The following TBC1D5 variants were observed in gnomAD, a reference collection of about 807,000 sequenced individuals.
TBC1D5 encodes TBC1 domain family member 5, also known as TBC1 domain family, member 5.
Under a neutral mutation model 100.3 loss-of-function variants are expected in TBC1D5, and 75 were observed. The ratio of observed to expected loss-of-function variants is 0.75; its 90% CI spans 0.62 to 0.91. The LOEUF is 0.91. Ranked by LOEUF, TBC1D5 falls within the 40% of genes least tolerant of loss-of-function variation. TBC1D5 has a pLI of 0.00. For missense variants in TBC1D5, 910 were observed against 942.4 expected (o/e 0.97, Z 0.45); for synonymous variants, 323 against 325.6 (o/e 0.99, Z 0.09).
intron 2 of TBC1D5, among the ~76,000 whole-genome samples, chr3:17,536,145 G>A (rs1257572957): frequency 6.6e-6 from 1 of 152,100 alleles, no homozygotes; most frequent in Non-Finnish European, 1.5e-5. Context: ...AAACACTGAA[G>A]TAGTCTTTAC....
intron 14 of TBC1D5, among the ~76,000 whole-genome samples, chr3:17,298,441 T>C (rs961350808): frequency 3.9e-5 from 6 of 152,174 alleles, no homozygotes; most frequent in Non-Finnish European, 8.8e-5. Context: ...TAATGATACA[T>C]ACTAAGGGCT....
At chr3:17,412,689 GA>G (rs1222215160) in intron 4 of TBC1D5, among the ~76,000 whole-genome samples, 29 of 152,078 alleles carry the variant, frequency 1.9e-4, no homozygotes, top group Non-Finnish European at 5.9e-5. Context: ...ACCCACTTAT[GA>G]TATAATATTT....
At chr3:17,185,113 A>C (rs754764435) in exon 19 of TBC1D5, 19 of 1,611,236 alleles carry the variant, frequency 1.2e-5, no homozygotes, top group Non-Finnish European at 1.6e-5. Flanking sequence ...ACTTACCAAG[A>C]TGAGTGTCCA....
chr3:17,631,073 C>G (rs1450970996), intron 1 of TBC1D5, among the ~76,000 whole-genome samples: 3 of 150,048 alleles, frequency 2.0e-5, no homozygotes, highest in Non-Finnish European at 3.0e-5. Context: ...GTTAGGCCTC[C>G]TGAACCAAAA....
chr3:17,591,253 AAAAAAAAAAAAAAC>A (rs1414828176), intron 2 of TBC1D5, among the ~76,000 whole-genome samples: 2,152 of 136,778 alleles, frequency 0.016, 82 homozygotes, highest in African/African-American at 0.054. Flanking sequence ...AAAAAAAAAA[AAAAAAAAAAAAAAC>A]AAAAACCCCA....
At chr3:17,392,055 CT>C (rs1350787361) in intron 8 of TBC1D5, among the ~76,000 whole-genome samples, 2 of 152,058 alleles carry the variant, frequency 1.3e-5, no homozygotes, top group African/African-American at 4.8e-5. Flanking sequence ...TAACACACTG[CT>C]TCTGGGCAAA....
chr3:17,476,732 G>A (rs2095442502), intron 3 of TBC1D5, among the ~76,000 whole-genome samples: 1 of 151,770 alleles, frequency 6.6e-6, no homozygotes, highest in African/African-American at 2.4e-5. Context: ...CCATGATCAT[G>A]GTGTGTCCTC....
At chr3:17,711,566 C>T (rs539196567) in intron 1 of TBC1D5, among the ~76,000 whole-genome samples, 1 of 152,094 alleles carries the variant, frequency 6.6e-6, no homozygotes, top group Non-Finnish European at 1.5e-5. Flanking sequence ...CAATATATTG[C>T]TTAGTTTTTA....
chr3:17,415,420 A>G (rs1037274105), intron 4 of TBC1D5, among the ~76,000 whole-genome samples: 1 of 152,088 alleles, frequency 6.6e-6, no homozygotes, highest in African/African-American at 2.4e-5. Flanking sequence ...TCAGCCTCCC[A>G]AAGGGCTGGA....
chr3:17,469,055 C>G (rs1053353351), intron 3 of TBC1D5, among the ~76,000 whole-genome samples: 1 of 152,140 alleles, frequency 6.6e-6, no homozygotes, highest in African/African-American at 2.4e-5. Context: ...GAACTGGAGT[C>G]TCCCTGGATA....
chr3:17,469,927 A>G (rs768939959), intron 3 of TBC1D5, among the ~76,000 whole-genome samples: 6 of 152,240 alleles, frequency 3.9e-5, no homozygotes, highest in Admixed American at 1.3e-4. Flanking sequence ...AAAAGAATAA[A>G]TGTTTTACAT....
chr3:17,524,952 A>AC (rs971347114), intron 2 of TBC1D5, among the ~76,000 whole-genome samples: 13 of 152,058 alleles, frequency 8.5e-5, no homozygotes, highest in African/African-American at 2.7e-4. Flanking sequence ...AAAAAAAAAA[A>AC]AATATGTACA....
intron 2 of TBC1D5, among the ~76,000 whole-genome samples, chr3:17,538,589 C>T (rs1221881046): frequency 2.0e-5 from 3 of 152,314 alleles, no homozygotes; most frequent in African/African-American, 7.2e-5. Flanking sequence ...GCCTCAGTCT[C>T]TCCCTCTGCC....
intron 1 of TBC1D5, among the ~76,000 whole-genome samples, chr3:17,668,685 C>T (rs2067560499): frequency 1.3e-5 from 2 of 152,096 alleles, no homozygotes; most frequent in Admixed American, 1.3e-4. Flanking sequence ...GCGTAAACTG[C>T]CAAGATTTTT....
At chr3:17,422,934 C>G (rs990629346) in intron 4 of TBC1D5, among the ~76,000 whole-genome samples, 2 of 152,100 alleles carry the variant, frequency 1.3e-5, no homozygotes, top group African/African-American at 2.4e-5. Context: ...CAAATTTACT[C>G]AATGATTCAA....
At chr3:17,221,193 T>C (rs1375392312) in intron 17 of TBC1D5, among the ~76,000 whole-genome samples, 2 of 117,440 alleles carry the variant, frequency 1.7e-5, no homozygotes, top group Non-Finnish European at 3.6e-5. Context: ...GAAGAGACTT[T>C]GCAGGTGTGA....
intron 2 of TBC1D5, among the ~76,000 whole-genome samples, chr3:17,548,001 T>C (rs1041503502): frequency 6.6e-6 from 1 of 152,212 alleles, no homozygotes; most frequent in African/African-American, 2.4e-5. Context: ...TAAGCCATAT[T>C]CTAATCAAAG....
intron 1 of TBC1D5, among the ~76,000 whole-genome samples, chr3:17,653,465 ACAAGG>A (rs2065776331): frequency 6.6e-6 from 1 of 152,088 alleles, no homozygotes; most frequent in Non-Finnish European, 1.5e-5. Flanking sequence ...AAAATACCAG[ACAAGG>A]CCAAATTGAG....
At chr3:17,179,631 G>T (rs2068215819) in intron 19 of TBC1D5, among the ~76,000 whole-genome samples, 1 of 152,110 alleles carries the variant, frequency 6.6e-6, no homozygotes, top group African/African-American at 2.4e-5. Flanking sequence ...ACCCTTCCTG[G>T]GCCTTGGCTT....
Sources: allele counts gnomAD v4.1 joint callset (sites outside exome capture counted in the v4.1 genomes callset), GRCh38; gene constraint gnomAD v4.1.1; transcripts MANE v1.5; gene names NCBI Gene and HGNC (gene_info 2026-07-23, HGNC 2026-07-21).